The following NTM variants were observed in gnomAD, a reference collection of about 807,000 sequenced individuals.
NTM encodes the protein neurotrimin.
NTM carries 13 observed loss-of-function variants against 42.1 expected under a neutral mutation model. The observed-to-expected ratio is 0.31, with a 90% CI of 0.20 to 0.49. NTM has a LOEUF of 0.49. Ranked by LOEUF, NTM falls within the 20% of genes least tolerant of loss-of-function variation. NTM has a pLI of 0.99. For synonymous variants in NTM, 187 were observed against 179.2 expected (o/e 1.04, Z -0.35); for missense variants, 373 against 452.8 (o/e 0.82, Z 1.60).
chr11:132,128,995 C>T (rs892410125), intron 2 of NTM, among the ~76,000 whole-genome samples: 11 of 144,592 alleles, frequency 7.6e-5, no homozygotes, highest in Non-Finnish European at 1.2e-4. Context: ...AAATCACTAT[C>T]GACAGTGTAG....
chr11:131,632,641 C>T (rs2137792309), intron 1 of NTM, among the ~76,000 whole-genome samples: 1 of 140,636 alleles, frequency 7.1e-6, no homozygotes, highest in Admixed American at 7.2e-5. Context: ...GCTGCCATAG[C>T]ACTACTTTTC....
intron 1 of NTM, among the ~76,000 whole-genome samples, chr11:131,763,709 C>CTTTTTTTTTTT (rs557522093): frequency 0.037 from 2,603 of 70,976 alleles, 431 homozygotes; most frequent in East Asian, 0.098. Flanking sequence ...ATCTCTCTCT[C>CTTTTTTTTTTT]TTTTTTTTTT....
At chr11:131,505,836 C>T (rs1591861055) in intron 1 of NTM, among the ~76,000 whole-genome samples, 1 of 152,212 alleles carries the variant, frequency 6.6e-6, no homozygotes, top group East Asian at 1.9e-4. Flanking sequence ...CATGAGAATG[C>T]AGGCTTCTGT....
At chr11:132,066,124 T>C (rs2056444588) in intron 2 of NTM, among the ~76,000 whole-genome samples, 1 of 152,190 alleles carries the variant, frequency 6.6e-6, no homozygotes, top group Non-Finnish European at 1.5e-5. Flanking sequence ...TAATTTTATC[T>C]CTTTGTCATT....
chr11:131,488,672 T>C lies in NTM; in HGVS notation c.82+117784T>C, dbSNP rs1387318185. On this transcript the variant is annotated intron_variant, in intron 1 of 8. Coordinates refer to ENST00000683400, the MANE Select transcript of NTM (RefSeq NM_001352005.2). ...TCCACCACAGTCTGCCTTCTCACTA[T>C]AGCAATTCATGCCCTTCTTATGTGG... 2.6e-5 allele frequency among the ~76,000 whole-genome samples: 4 copies of C among 152,198 alleles called. No individual in the cohort carries two copies. In the East Asian group the frequency reaches 7.7e-4, roughly 29 times the overall value.
At chr11:131,858,297 C>G (rs1005913756) in intron 1 of NTM, among the ~76,000 whole-genome samples, 13 of 152,138 alleles carry the variant, frequency 8.5e-5, no homozygotes, top group African/African-American at 3.1e-4. Context: ...CTCTCCCTCT[C>G]TCCCTCTCTC....
intron 4 of NTM, among the ~76,000 whole-genome samples, chr11:132,242,962 T>A (rs2090469752): frequency 6.6e-6 from 1 of 152,104 alleles, no homozygotes; most frequent in Non-Finnish European, 1.5e-5. Context: ...CACATAAGGA[T>A]GTTTCCCAGC....
At chr11:131,794,861 G>A (rs989440600) in intron 1 of NTM, 12 of 985,192 alleles carry the variant, frequency 1.2e-5, no homozygotes, top group African/African-American at 8.7e-5. Flanking sequence ...CATAGGTAAC[G>A]GCCTCCACAG....
At chr11:131,576,736 T>C (rs2137137934) in intron 1 of NTM, among the ~76,000 whole-genome samples, 1 of 152,306 alleles carries the variant, frequency 6.6e-6, no homozygotes, top group African/African-American at 2.4e-5. Context: ...AATTTGATAA[T>C]AAGATGATCC....
chr11:132,078,055 A>G (rs967005600), intron 2 of NTM, among the ~76,000 whole-genome samples: 1 of 152,222 alleles, frequency 6.6e-6, no homozygotes, highest in Non-Finnish European at 1.5e-5. Context: ...ATACATGGAA[A>G]AACTCATATT....
At chr11:132,255,659 A>C (rs974841742) in intron 4 of NTM, among the ~76,000 whole-genome samples, 1 of 152,224 alleles carries the variant, frequency 6.6e-6, no homozygotes, top group Non-Finnish European at 1.5e-5. Flanking sequence ...AAATAGACTC[A>C]GTCCTAATGC....
At chr11:131,903,519 G>C (rs2053454807) in intron 1 of NTM, among the ~76,000 whole-genome samples, 1 of 152,210 alleles carries the variant, frequency 6.6e-6, no homozygotes, top group African/African-American at 2.4e-5. Context: ...GCTTGCCTCA[G>C]ATCCAGGGCA....
At chr11:132,286,911 T>A (rs2094261130) in intron 4 of NTM, among the ~76,000 whole-genome samples, 1 of 152,238 alleles carries the variant, frequency 6.6e-6, no homozygotes, top group African/African-American at 2.4e-5. Context: ...TGCCTATTGA[T>A]CCTTCTTTGA....
intron 1 of NTM, among the ~76,000 whole-genome samples, chr11:131,724,813 G>A (rs1360423799): frequency 1.3e-5 from 2 of 152,242 alleles, no homozygotes; most frequent in African/African-American, 4.8e-5. Context: ...AGCAGGCACA[G>A]CCTGGGGTGG....
chr11:131,681,519 CTGTG>C lies in NTM; in HGVS notation c.83-230041_83-230038del, dbSNP rs1202092898. Reference sequence around the variant, plus strand: ...TGTGTGTGAGCATGTGTTTCTGTGTCTGTGTGTATGTCTCCCTGTGTATGTGAGC... The same window carrying C: ...TGTGTGTGAGCATGTGTTTCTGTGTCTGTATGTCTCCCTGTGTATGTGAGC... On this transcript the variant is annotated intron_variant, in intron 1 of 8. Transcript: ENST00000683400. 2.1e-4 allele frequency among the ~76,000 whole-genome samples: 9 copies of C among 43,630 alleles called. 2 individuals are homozygous for C. Among genetic ancestry groups the C allele is most frequent in the African/African-American group, 4.7e-4 (7 of 14,852 alleles). The allele number at this position is 43,630 out of a possible 152,430, so 28.6% of individuals were successfully genotyped here.
At chr11:131,569,021 C>T (rs981166885) in intron 1 of NTM, among the ~76,000 whole-genome samples, 1 of 152,186 alleles carries the variant, frequency 6.6e-6, no homozygotes, top group Admixed American at 6.5e-5. Flanking sequence ...AACTTTAGAA[C>T]ATTTTCGTTA....
intron 1 of NTM, among the ~76,000 whole-genome samples, chr11:131,541,442 C>T (rs2053236006): frequency 6.6e-6 from 1 of 152,180 alleles, no homozygotes. Flanking sequence ...ACCTACAATA[C>T]ATAAAGAGAG....
At chr11:132,102,270 T>C (rs7480695) in intron 2 of NTM, among the ~76,000 whole-genome samples, 1 of 152,198 alleles carries the variant, frequency 6.6e-6, no homozygotes, top group African/African-American at 2.4e-5. Context: ...CTCTATCCTA[T>C]ACTAGAGAAT....
At chr11:132,262,532 T>G (rs1254825271) in intron 4 of NTM, among the ~76,000 whole-genome samples, 2 of 152,236 alleles carry the variant, frequency 1.3e-5, no homozygotes, top group African/African-American at 2.4e-5. Context: ...GCCTTCTTGC[T>G]GCTTCCTCAC....
Sources: gnomAD v4.1 joint callset for allele counts (sites outside exome capture counted in the v4.1 genomes callset) on GRCh38, gnomAD v4.1.1 for gene constraint, MANE v1.5 for transcripts, NCBI Gene and HGNC (gene_info 2026-07-23, HGNC 2026-07-21) for gene names.